Variants in P3H2 observed in about 807,000 individuals in gnomAD.
P3H2 encodes prolyl 3-hydroxylase 2, also known as leprecan-like 1.
In P3H2, 80 loss-of-function variants were observed where a neutral mutation model predicts 87.0. The ratio of observed to expected loss-of-function variants is 0.92; its 90% CI spans 0.77 to 1.11. P3H2 has a LOEUF of 1.11. P3H2 is among the 50% of genes least tolerant of loss of function. The pLI is 0.00. For missense variants in P3H2, 1,001 were observed against 923.9 expected, an observed-to-expected ratio of 1.08 and a Z score of -1.08; for synonymous variants, 367 against 359.3, an observed-to-expected ratio of 1.02 and a Z score of -0.24.
At chr3:189,972,151 G>C in intron 11 of P3H2, 144 bp from the exon 12 acceptor site, 1 of 701,172 alleles carries the variant, frequency 1.4e-6, no homozygotes, top group Middle Eastern at 2.5e-4. Context: ...TAAAAGAACA[G>C]TGGACAAGTA....
intron 1 of P3H2, among the ~76,000 whole-genome samples, chr3:190,092,829 G>A (rs368492403): frequency 2.0e-5 from 3 of 152,152 alleles, no homozygotes; most frequent in African/African-American, 7.2e-5. Flanking sequence ...TTCTACATCC[G>A]CTCCTGTAGT....
intron 1 of P3H2, among the ~76,000 whole-genome samples, chr3:190,000,974 T>C (rs1724195210): frequency 2.6e-5 from 4 of 152,242 alleles, no homozygotes; most frequent in African/African-American, 7.2e-5. Context: ...ATGCTTTTAC[T>C]TTGCAAAATA....
intron 1 of P3H2, among the ~76,000 whole-genome samples, chr3:190,059,320 GC>G (rs1726263752): frequency 6.6e-6 from 1 of 152,102 alleles, no homozygotes; most frequent in South Asian, 2.1e-4. Context: ...TATGTGTTTG[GC>G]AACTGTATTC....
At chr3:190,016,461 CTT>C (rs1315905314) in intron 1 of P3H2, among the ~76,000 whole-genome samples, 13 of 152,172 alleles carry the variant, frequency 8.5e-5, no homozygotes, top group Admixed American at 8.5e-4. Context: ...GCCATGCTGT[CTT>C]GAACTCCTGA....
At chr3:190,079,128 G>T (rs933313330) in intron 1 of P3H2, among the ~76,000 whole-genome samples, 2 of 151,988 alleles carry the variant, frequency 1.3e-5, no homozygotes, top group Admixed American at 1.3e-4. Flanking sequence ...GCCACCTAAG[G>T]TCAGGAGTTC....
At chr3:190,020,743 G>A (rs1174219826) in intron 1 of P3H2, among the ~76,000 whole-genome samples, 2 of 133,796 alleles carry the variant, frequency 1.5e-5, no homozygotes, top group African/African-American at 2.6e-5. Flanking sequence ...CTACCCACAC[G>A]TTGATTACTT....
intron 14 of P3H2, among the ~76,000 whole-genome samples, chr3:189,958,551 T>TG (rs1464698110): frequency 7.1e-6 from 1 of 140,332 alleles, no homozygotes; most frequent in Non-Finnish European, 1.5e-5. Flanking sequence ...AATTATTTGT[T>TG]GGGGGGTGGG....
At chr3:190,027,126 CAACT>C in intron 1 of P3H2, among the ~76,000 whole-genome samples, 1 of 152,292 alleles carries the variant, frequency 6.6e-6, no homozygotes, top group Admixed American at 6.5e-5. Flanking sequence ...CTGAGAAGTA[CAACT>C]AACTTCACCA....
chr3:189,999,286 T>TA (rs1270562779), intron 1 of P3H2, among the ~76,000 whole-genome samples: 1 of 152,216 alleles, frequency 6.6e-6, no homozygotes, highest in Non-Finnish European at 1.5e-5. Flanking sequence ...CTACAATCTA[T>TA]AAAAAAAGAT....
chr3:189,991,285 A>C (rs1666436), intron 3 of P3H2, among the ~76,000 whole-genome samples: 1 of 152,112 alleles, frequency 6.6e-6, no homozygotes, highest in African/African-American at 2.4e-5. Context: ...ATTTTGGGTA[A>C]CTGGGTGTGT....
intron 1 of P3H2, among the ~76,000 whole-genome samples, chr3:190,083,028 T>A (rs1241505689): frequency 6.6e-6 from 1 of 152,180 alleles, no homozygotes; most frequent in Admixed American, 6.5e-5. Context: ...ATGCAGAGGA[T>A]CATGCAGCTT....
intron 1 of P3H2, among the ~76,000 whole-genome samples, chr3:190,024,318 C>A (rs1160850173): frequency 6.6e-6 from 1 of 151,842 alleles, no homozygotes; most frequent in Non-Finnish European, 1.5e-5. Flanking sequence ...GCAGGTGGTT[C>A]ACGAGGTCAG....
chr3:190,061,328 A>C (rs551550301), intron 1 of P3H2, among the ~76,000 whole-genome samples: 1 of 152,196 alleles, frequency 6.6e-6, no homozygotes, highest in East Asian at 1.9e-4. Context: ...CCATTAAAAC[A>C]CACATTCCAT....
At chr3:189,970,036 C>T (rs570251294) in intron 13 of P3H2, among the ~76,000 whole-genome samples, 9 of 150,944 alleles carry the variant, frequency 6.0e-5, no homozygotes, top group East Asian at 2.0e-4. Context: ...TCCAAAGGCA[C>T]GGGTTTACTT....
intron 1 of P3H2, among the ~76,000 whole-genome samples, chr3:190,025,081 A>G (rs1725046869): frequency 6.6e-6 from 1 of 152,166 alleles, no homozygotes; most frequent in Non-Finnish European, 1.5e-5. Flanking sequence ...TTAGCTCTTA[A>G]AATAGACCTA....
chr3:189,964,257 C>T, intron 13 of P3H2, 159 bp from the exon 14 acceptor site: 1 of 725,090 alleles, frequency 1.4e-6, no homozygotes, highest in Non-Finnish European at 2.4e-6. Flanking sequence ...AATTTTCTCA[C>T]CCGTAAAACA....
chr3:190,059,608 C>T (rs944305377), intron 1 of P3H2, among the ~76,000 whole-genome samples: 2 of 152,156 alleles, frequency 1.3e-5, no homozygotes, highest in African/African-American at 4.8e-5. Flanking sequence ...CCAACGCCAG[C>T]ATCACTCACC....
At chr3:190,087,563 AC>A (rs397730048) in intron 1 of P3H2, among the ~76,000 whole-genome samples, 1 of 150,722 alleles carries the variant, frequency 6.6e-6, no homozygotes, top group African/African-American at 2.4e-5. Context: ...AAAAAAAAAA[AC>A]CATCAAGAAA....
Position 190,113,852 on chromosome 3 carries a change from C to T in P3H2, c.480+6400G>A, listed in dbSNP as rs189342525. Among the ~76,000 whole-genome samples, 418 of 152,034 alleles carry T rather than the reference C, an allele frequency of 2.7e-3. 8 individuals carry two copies. Among genetic ancestry groups the T allele is most frequent in the Admixed American group, 0.022 (343 of 15,278 alleles). ...CAGCACTTTGGGAGGCCGAGGCGGG[C>T]GGATCACGAGGTCGGGAGTTCGAGA... On this transcript the variant is annotated intron_variant, in intron 1 of 14. Transcript: ENST00000319332.
Sources: gnomAD v4.1 joint callset for allele counts (sites outside exome capture counted in the v4.1 genomes callset) on GRCh38, gnomAD v4.1.1 for gene constraint, MANE v1.5 for transcripts, NCBI Gene and HGNC (gene_info 2026-07-23, HGNC 2026-07-21) for gene names.